Variants in RBL2 observed in about 807,000 individuals in gnomAD.
RBL2 encodes RB transcriptional corepressor like 2.
A neutral mutation model predicts 126.0 loss-of-function variants in RBL2; 56 were observed. The ratio of observed to expected loss-of-function variants is 0.44; its 90% CI spans 0.36 to 0.56. The LOEUF (loss-of-function observed/expected upper bound fraction) is 0.56. RBL2 is among the 20% of genes least tolerant of loss of function. The pLI is 0.00. For synonymous variants in RBL2, 454 were observed against 478.5 expected, an observed-to-expected ratio of 0.95 and a Z score of 0.67; for missense variants, 1,229 against 1,398.2, an observed-to-expected ratio of 0.88 and a Z score of 1.93.
At chr16:53,469,878 T>G (rs757206869) in intron 14 of RBL2, 38 bp from the exon 15 acceptor site, 2 of 1,503,788 alleles carry the variant, frequency 1.3e-6, no homozygotes, top group South Asian at 1.4e-5. Flanking sequence ...CTGAGTCTCC[T>G]TGAGTTAAAT....
At chr16:53,481,986 T>C in intron 21 of RBL2, 151 bp downstream of exon 21, 11 of 948,170 alleles carry the variant, frequency 1.2e-5, no homozygotes, top group Non-Finnish European at 1.7e-5. Flanking sequence ...AACCCAGGGT[T>C]TGTTTTGTTT....
rs560967040 is a variant in RBL2 at position 53,443,869 on chromosome 16, A to G, written c.572+1011A>G. Among the ~76,000 whole-genome samples, 7 of 152,316 alleles carry G rather than the reference A, an allele frequency of 4.6e-5. No homozygotes were observed. The South Asian group carries it at 1.5e-3, about 32-fold the overall frequency. On this transcript the variant is annotated intron_variant, in intron 3 of 21. Transcript: ENST00000262133. ...AAAAAAATTTAAAAAAACTAGAACT[A>G]TTTACATTTTAATATAGATGGCACC...
Position 53,451,807 on chromosome 16 carries a change from G to C in RBL2, c.742G>C (p.Glu248Gln). 1 of 1,613,752 alleles carries C rather than the reference G, an allele frequency of 6.2e-7. No homozygotes were observed. Among genetic ancestry groups the C allele is most frequent in the South Asian group, 1.1e-5 (1 of 91,068 alleles). Reference protein sequence around the residue: ...GNALQCSNRKELVNPNFKGLS... With the variant: ...GNALQCSNRKQLVNPNFKGLS... Reference sequence around the variant, plus strand: ...TGCACTTCAGTGTTCTAATCGTAAAGAACTTGTGAACCCTAATTTTAAAGG... The same window carrying C: ...TGCACTTCAGTGTTCTAATCGTAAACAACTTGTGAACCCTAATTTTAAAGG... The change falls in exon 5 of 22, where the codon GAA becomes CAA. Residue 248 changes from glutamate to glutamine, a missense_variant. Glu to Gln is a conservative substitution (Grantham distance 29). Coordinates refer to ENST00000262133, the MANE Select transcript of RBL2 (RefSeq NM_005611.4).
intron 21 of RBL2, among the ~76,000 whole-genome samples, chr16:53,486,330 G>C (rs1416334720): frequency 6.6e-6 from 1 of 152,042 alleles, no homozygotes; most frequent in African/African-American, 2.4e-5. Context: ...ATGTGACAAT[G>C]CACATGAAAT....
rs747921156 is a variant in RBL2 at position 53,480,777 on chromosome 16, T to C, written c.3084+8T>C. 3.1e-6 allele frequency: 5 copies of C among 1,605,684 alleles called. No homozygotes were observed. Among genetic ancestry groups the C allele is most frequent in the Admixed American group, 1.7e-5 (1 of 60,002 alleles). On this transcript the variant is annotated splice_region_variant and intron_variant, in intron 20 of 21. Coordinates refer to ENST00000262133, the MANE Select transcript of RBL2 (RefSeq NM_005611.4). ...AAGTACTCACAGGCAAATGTAAGTA[T>C]GACAGGGATTATTTCATACTTTTTT...
In RBL2 at chr16:53,470,148, A is replaced by G. The variant is rs759790972; in HGVS notation, c.2208A>G (p.Thr736=). The G allele has an allele frequency of 6.2e-7, 1 of 1,612,976 alleles. No individual in the cohort carries two copies. Among genetic ancestry groups the G allele is most frequent in the Admixed American group, 1.7e-5 (1 of 59,994 alleles). The change falls in exon 15 of 22, where the codon ACA becomes ACG. Residue 736 remains threonine, a synonymous_variant. Transcript: ENST00000262133. ...TCACCATGGCAACCGCCACTGTCAC[A>G]GCCAACAATGGGCAAACGGTAACCA... ...TLVTMATATV[T]ANNGQTVTIP...
At chr16:53,447,453 G>C (rs948318176) in intron 4 of RBL2, among the ~76,000 whole-genome samples, 1 of 151,962 alleles carries the variant, frequency 6.6e-6, no homozygotes, top group Non-Finnish European at 1.5e-5. Context: ...TTATTTAGTT[G>C]AGCGCAATTA....
intron 14 of RBL2, among the ~76,000 whole-genome samples, chr16:53,468,713 T>G (rs1019488996): frequency 3.3e-5 from 5 of 152,228 alleles, no homozygotes; most frequent in Non-Finnish European, 7.3e-5. Flanking sequence ...AAGCCACAGT[T>G]TGTTAGGATT....
At chr16:53,466,703 G>C (rs1438926455) in intron 13 of RBL2, 1 of 205,930 alleles carries the variant, frequency 4.9e-6, no homozygotes. Context: ...TTTAAATACA[G>C]ATGAAGCTTT....
chr16:53,460,330 G>C (rs1357001089), intron 9 of RBL2, among the ~76,000 whole-genome samples: 1 of 152,194 alleles, frequency 6.6e-6, no homozygotes, highest in East Asian at 1.9e-4. Context: ...ATATCAAGAA[G>C]ACCCTATATG....
chr16:53,453,660 A>G (rs762938940), intron 6 of RBL2, 45 bp from the exon 7 acceptor site: 4 of 1,602,610 alleles, frequency 2.5e-6, no homozygotes, highest in Non-Finnish European at 3.4e-6. Flanking sequence ...CTGGAGAAAA[A>G]CTTGATTTAA....
At chr16:53,482,912 A>G (rs72801853) in intron 21 of RBL2, among the ~76,000 whole-genome samples, 42,459 of 151,942 alleles carry the variant, frequency 0.28, 6,221 homozygotes, top group Middle Eastern at 0.37. Flanking sequence ...GGAAGGTATC[A>G]TTGAGGAGAC....
intron 18 of RBL2, 191 bp downstream of exon 18, chr16:53,479,416 A>G: frequency 1.8e-6 from 1 of 565,620 alleles, no homozygotes; most frequent in South Asian, 2.3e-5. Context: ...CTCAAAAGGC[A>G]ACAATGTTAA....
Position 53,477,180 on chromosome 16 carries a change from C to T in RBL2, c.2704-1974C>T, listed in dbSNP as rs16952267. ...TGAGATATAGGAGTGTTAACTGTTT[C>T]GTTACACATATTACATCCATAAATG... On this transcript the variant is annotated intron_variant, in intron 17 of 21. Transcript: ENST00000262133. Among the ~76,000 whole-genome samples the T allele has an allele frequency of 9.8e-3, 1,492 of 152,124 alleles. 23 individuals are homozygous for T. Among genetic ancestry groups the T allele is most frequent in the African/African-American group, 0.032 (1,309 of 41,484 alleles).
In RBL2 at chr16:53,444,337, T is replaced by G. The variant is rs181414654; in HGVS notation, c.572+1479T>G. Among the ~76,000 whole-genome samples, 7 of 141,494 alleles carry G rather than the reference T, an allele frequency of 4.9e-5. No individual in the cohort carries two copies. In the East Asian group the frequency reaches 1.6e-3, roughly 32 times the overall value. The allele number at this position is 141,494 out of a possible 152,430, so 92.8% of individuals were successfully genotyped here. On this transcript the variant is annotated intron_variant, in intron 3 of 21. Coordinates refer to ENST00000262133, the MANE Select transcript of RBL2 (RefSeq NM_005611.4). ...GGAGGCCAAGGCGGGTGGATCACTCTAGGTCGGGAGTTCGAGACCAGCCTG... is the reference window on the plus strand; with the variant it reads ...GGAGGCCAAGGCGGGTGGATCACTCGAGGTCGGGAGTTCGAGACCAGCCTG...
chr16:53,446,733 G>T (rs915005022), intron 3 of RBL2, among the ~76,000 whole-genome samples: 3 of 152,188 alleles, frequency 2.0e-5, no homozygotes, highest in African/African-American at 7.2e-5. Context: ...AAGCAGCATA[G>T]CATTGCTGTG....
chr16:53,489,294 G>T (rs1476590845), intron 21 of RBL2: 1 of 152,156 alleles, frequency 6.6e-6, no homozygotes, highest in Non-Finnish European at 1.5e-5. Flanking sequence ...AGGTATGTGA[G>T]GATGCATTAT....
At chr16:53,474,271 G>C (rs1235779556) in intron 17 of RBL2, among the ~76,000 whole-genome samples, 1 of 151,596 alleles carries the variant, frequency 6.6e-6, no homozygotes, top group Non-Finnish European at 1.5e-5. Context: ...GATTATAGGC[G>C]TGAGCCACTG....
chr16:53,491,420 G>C lies in RBL2; in HGVS notation c.*1120G>C, dbSNP rs1249882242. 1 of 152,268 alleles carries C rather than the reference G, an allele frequency of 6.6e-6. No individual in the cohort carries two copies. The highest frequency in any genetic ancestry group is 1.9e-4 in the East Asian group (1 of 5,192). 9.4% of individuals were successfully genotyped at this position (152,268 alleles called of 1,614,324 possible). On this transcript the variant is annotated 3_prime_UTR_variant, in exon 22 of 22. Coordinates refer to ENST00000262133, the MANE Select transcript of RBL2 (RefSeq NM_005611.4). ...ATCTTTATTAATCACTATTGTTCCAGCAGTTTTCAAGTCAAATTAATAATC... is the reference window on the plus strand; with the variant it reads ...ATCTTTATTAATCACTATTGTTCCACCAGTTTTCAAGTCAAATTAATAATC...
Sources: gnomAD v4.1 joint callset for allele counts (sites outside exome capture counted in the v4.1 genomes callset) on GRCh38, gnomAD v4.1.1 for gene constraint, MANE v1.5 for transcripts, NCBI Gene and HGNC (gene_info 2026-07-23, HGNC 2026-07-21) for gene names.